Variants in NOX4 observed in about 807,000 individuals in gnomAD.
NOX4 encodes the protein NADPH oxidase 4.
NOX4 carries 69 observed loss-of-function variants against 87.6 expected under a neutral mutation model. The ratio of observed to expected loss-of-function variants is 0.79; its 90% confidence interval spans 0.65 to 0.96. The LOEUF (loss-of-function observed/expected upper bound fraction) is 0.96, where lower values mean the gene tolerates loss of function less well. NOX4 is among the 40% of genes least tolerant of loss of function. NOX4 has a pLI of 0.00. For synonymous variants in NOX4, 275 were observed against 238.2 expected (o/e 1.15, Z -1.42); for missense variants, 680 against 681.5 (o/e 1.00, Z 0.02).
the NOX4 span, among the ~76,000 whole-genome samples, chr11:89,521,739 C>T: frequency 2.0e-5 from 3 of 152,000 alleles, no homozygotes; most frequent in Non-Finnish European, 4.4e-5. Flanking sequence ...ATAGAGTAAA[C>T]AGACAACCTA....
chr11:89,558,227 A>G, the NOX4 span, among the ~76,000 whole-genome samples: 1 of 152,160 alleles, frequency 6.6e-6, no homozygotes, highest in Admixed American at 6.6e-5. Flanking sequence ...TTACTAATTC[A>G]TGCAAAACTT....
chr11:89,379,799 T>C (rs7118255), intron 11 of NOX4, among the ~76,000 whole-genome samples: 3,043 of 152,266 alleles, frequency 0.02, 94 homozygotes, highest in African/African-American at 0.07. Flanking sequence ...ATTCAGAATA[T>C]GACCACTTCT....
chr11:89,375,882 G>A (rs191306096), intron 11 of NOX4, among the ~76,000 whole-genome samples: 2 of 152,316 alleles, frequency 1.3e-5, no homozygotes, highest in East Asian at 3.9e-4. Context: ...GAAGATATCA[G>A]AATGGAAGGC....
intron 2 of NOX4, among the ~76,000 whole-genome samples, chr11:89,455,121 G>A (rs369658535): frequency 1.3e-4 from 20 of 152,098 alleles, no homozygotes; most frequent in East Asian, 7.7e-4. Context: ...CAGGTCTTGC[G>A]TTTCATCTTC....
intron 2 of NOX4, among the ~76,000 whole-genome samples, chr11:89,454,621 G>T (rs951880324): frequency 1.3e-5 from 2 of 152,072 alleles, no homozygotes; most frequent in Admixed American, 6.6e-5. Context: ...CTGGCCAAAT[G>T]TAGCTTTAAA....
chr11:89,527,251 C>T, the NOX4 span, among the ~76,000 whole-genome samples: 1 of 152,084 alleles, frequency 6.6e-6, no homozygotes, highest in African/African-American at 2.4e-5. Context: ...TATGCATTCA[C>T]ATAAAGATAG....
the NOX4 span, among the ~76,000 whole-genome samples, chr11:89,521,726 C>T: frequency 2.0e-5 from 3 of 151,964 alleles, no homozygotes; most frequent in African/African-American, 7.3e-5. Flanking sequence ...AAAGAAACAA[C>T]TGATAGAGTA....
intron 11 of NOX4, among the ~76,000 whole-genome samples, chr11:89,379,887 AC>A (rs1940145312): frequency 6.6e-6 from 1 of 152,004 alleles, no homozygotes; most frequent in Non-Finnish European, 1.5e-5. Flanking sequence ...TCCTAACTGG[AC>A]CCCCTGTTTC....
chr11:89,483,945 C>T (rs573656549), intron 2 of NOX4, among the ~76,000 whole-genome samples: 1 of 152,162 alleles, frequency 6.6e-6, no homozygotes, highest in African/African-American at 2.4e-5. Flanking sequence ...TTGAGTCCTG[C>T]TTCTGTCCCT....
At chr11:89,333,398 A>T (rs1034076367) in intron 17 of NOX4, among the ~76,000 whole-genome samples, 1 of 151,812 alleles carries the variant, frequency 6.6e-6, no homozygotes, top group African/African-American at 2.4e-5. Flanking sequence ...ACATACAAAC[A>T]TATGTTTACA....
the NOX4 span, among the ~76,000 whole-genome samples, chr11:89,527,093 C>T: frequency 6.6e-6 from 1 of 152,130 alleles, no homozygotes; most frequent in Non-Finnish European, 1.5e-5. Flanking sequence ...TATGCTTTAA[C>T]AAAGAGACTG....
chr11:89,575,927 A>G, the NOX4 span, among the ~76,000 whole-genome samples: 1 of 152,232 alleles, frequency 6.6e-6, no homozygotes, highest in Non-Finnish European at 1.5e-5. Flanking sequence ...AAACAAAATT[A>G]TTAGAAAAGT....
At chr11:89,478,220 AGC>A (rs1162138691) in intron 2 of NOX4, among the ~76,000 whole-genome samples, 2 of 152,158 alleles carry the variant, frequency 1.3e-5, no homozygotes, top group East Asian at 3.9e-4. Context: ...AAATCTTATA[AGC>A]GATATATTAG....
At chr11:89,511,876 G>A in the NOX4 span, among the ~76,000 whole-genome samples, 4 of 151,992 alleles carry the variant, frequency 2.6e-5, no homozygotes, top group South Asian at 2.1e-4. Flanking sequence ...AAAGGCCTAC[G>A]TCTTTTAAGA....
the NOX4 span, among the ~76,000 whole-genome samples, chr11:89,580,703 C>T: frequency 6.6e-6 from 1 of 152,066 alleles, no homozygotes; most frequent in African/African-American, 2.4e-5. Context: ...AAGTGCTTAT[C>T]ATATATTAGG....
At chr11:89,509,159 C>T in the NOX4 span, among the ~76,000 whole-genome samples, 2 of 151,942 alleles carry the variant, frequency 1.3e-5, no homozygotes, top group African/African-American at 4.8e-5. Flanking sequence ...TCATTCTGAG[C>T]AAACCTAATT....
At chr11:89,357,350 ACT>A (rs571949082) in intron 12 of NOX4, among the ~76,000 whole-genome samples, 2 of 151,954 alleles carry the variant, frequency 1.3e-5, no homozygotes, top group Non-Finnish European at 2.9e-5. Flanking sequence ...CTCGAATTAT[ACT>A]CTTTTAGTTC....
chr11:89,421,829 T>C (rs1338271221), intron 8 of NOX4, 73 bp downstream of exon 8: 2 of 834,124 alleles, frequency 2.4e-6, no homozygotes, highest in East Asian at 2.7e-5. Context: ...CTATGAAATT[T>C]CCTATAGAGT....
At chr11:89,419,966 A>C (rs1052701349) in intron 8 of NOX4, among the ~76,000 whole-genome samples, 3 of 152,072 alleles carry the variant, frequency 2.0e-5, no homozygotes, top group Non-Finnish European at 4.4e-5. Flanking sequence ...TATCTATCTG[A>C]TATAGGGACA....
Sources: allele counts gnomAD v4.1 joint callset (sites outside exome capture counted in the v4.1 genomes callset), GRCh38; gene constraint gnomAD v4.1.1; transcripts MANE v1.5; gene names NCBI Gene and HGNC (gene_info 2026-07-23, HGNC 2026-07-21).